Variants in LRRC28 observed in about 807,000 individuals in gnomAD.
LRRC28 encodes the protein leucine rich repeat containing 28.
A neutral mutation model predicts 45.7 loss-of-function variants in LRRC28; 39 were observed. The ratio of observed to expected loss-of-function variants is 0.85; its 90% confidence interval spans 0.66 to 1.12. LRRC28 has a LOEUF of 1.12. Among genes scored for constraint, LRRC28 ranks in the 50% most tolerant of loss-of-function variants. LRRC28 has a pLI of 0.00. For synonymous variants in LRRC28, 206 were observed against 178.8 expected (o/e 1.15, Z -1.22); for missense variants, 435 against 438.5 (o/e 0.99, Z 0.07).
Position 99,288,865 on chromosome 15 carries a change from A to G in LRRC28, c.385+914A>G, listed in dbSNP as rs969731039. Among the ~76,000 whole-genome samples, 7 of 151,850 alleles carry G rather than the reference A, an allele frequency of 4.6e-5. No individual in the cohort carries two copies. The East Asian group carries it at 1.4e-3, about 29-fold the overall frequency. ...TGGCTAATTTTTGTATTTTTTGTAG[A>G]GACAGGGTTTTGCCATGTTGGCTAG... On this transcript the variant is annotated intron_variant, in intron 5 of 9. Transcript: ENST00000301981.
intron 5 of LRRC28, among the ~76,000 whole-genome samples, chr15:99,301,833 A>C (rs1466834697): frequency 6.6e-6 from 1 of 152,170 alleles, no homozygotes; most frequent in African/African-American, 2.4e-5. Flanking sequence ...CATATGTAAA[A>C]TTATGATATA....
At chr15:99,363,436 T>C (rs1957261260) in intron 9 of LRRC28, 171 bp downstream of exon 9, 1 of 653,734 alleles carries the variant, frequency 1.5e-6, no homozygotes, top group South Asian at 2.4e-5. Context: ...ACAAGAAAAC[T>C]GGACTTGCCT....
intron 9 of LRRC28, among the ~76,000 whole-genome samples, chr15:99,380,192 A>G (rs1957774950): frequency 6.6e-6 from 1 of 152,166 alleles, no homozygotes; most frequent in Non-Finnish European, 1.5e-5. Flanking sequence ...CTAGGTCTGT[A>G]AGTACTTGCT....
intron 5 of LRRC28, among the ~76,000 whole-genome samples, chr15:99,327,440 ATCTTTTTAGAAATATG>A (rs1165664873): frequency 6.6e-6 from 1 of 152,216 alleles, no homozygotes; most frequent in Non-Finnish European, 1.5e-5. Context: ...GGTAATTTGT[ATCTTTTTAGAAATATG>A]TTTATTTAAA....
chr15:99,293,617 A>G (rs1246772623), intron 5 of LRRC28, among the ~76,000 whole-genome samples: 1 of 142,530 alleles, frequency 7.0e-6, no homozygotes, highest in African/African-American at 2.7e-5. Context: ...AAAAAAAAAA[A>G]AAAAAAAAAA....
intron 5 of LRRC28, among the ~76,000 whole-genome samples, chr15:99,314,110 A>G (rs879806347): frequency 6.6e-6 from 1 of 152,182 alleles, no homozygotes; most frequent in Admixed American, 6.5e-5. Flanking sequence ...TTAGGCTGCT[A>G]TTCTTCCAAA....
rs1033797039 is a variant in LRRC28 at position 99,337,883 on chromosome 15, G to A, written c.592+3754G>A. Reference sequence around the variant, plus strand: ...AAAAGCATACAAGCAAGAGGATGATGATGATGATGATGAAGATTATCCAGT... The same window carrying A: ...AAAAGCATACAAGCAAGAGGATGATAATGATGATGATGAAGATTATCCAGT... On this transcript the variant is annotated intron_variant, in intron 6 of 9. Transcript: ENST00000301981. 2.0e-5 allele frequency: 3 copies of A among 152,416 alleles called. No homozygotes were observed. The East Asian group carries it at 5.8e-4, about 29-fold the overall frequency. The allele number at this position is 152,416 out of a possible 1,614,324, so 9.4% of individuals were successfully genotyped here.
chr15:99,385,527 T>C (rs920451006), intron 9 of LRRC28, among the ~76,000 whole-genome samples: 2 of 152,248 alleles, frequency 1.3e-5, no homozygotes, highest in African/African-American at 4.8e-5. Context: ...ACTGTATTAT[T>C]CAGATTCTGA....
In LRRC28 at chr15:99,372,831, A is replaced by G. The variant is rs1859956761; in HGVS notation, c.1031+9566A>G. On this transcript the variant is annotated intron_variant, in intron 9 of 9. Coordinates refer to ENST00000301981, the MANE Select transcript of LRRC28 (RefSeq NM_144598.5). The stretch of plus-strand genomic sequence containing the variant: ...TTCATAAAGGAAAGAGGTTTAATTG[A>G]CTCACAGTTCCACATGGCTGAGGAG... Among the ~76,000 whole-genome samples, 5 of 152,056 alleles carry G rather than the reference A, an allele frequency of 3.3e-5. No homozygotes were observed. The South Asian group carries it at 1.0e-3, about 32-fold the overall frequency.
intron 5 of LRRC28, among the ~76,000 whole-genome samples, chr15:99,288,982 G>A (rs1274069369): frequency 2.0e-5 from 3 of 152,158 alleles, no homozygotes; most frequent in Admixed American, 2.0e-4. Context: ...GCCTGACCTA[G>A]TATGTTAACT....
At chr15:99,342,636 A>G (rs1956553779) in intron 6 of LRRC28, among the ~76,000 whole-genome samples, 1 of 152,198 alleles carries the variant, frequency 6.6e-6, no homozygotes. Flanking sequence ...TTGGACCCCA[A>G]GCATTGAGCA....
intron 5 of LRRC28, among the ~76,000 whole-genome samples, chr15:99,290,129 T>C (rs1211455040): frequency 6.6e-6 from 1 of 151,174 alleles, no homozygotes; most frequent in African/African-American, 2.4e-5. Flanking sequence ...GTGGTGGCAT[T>C]GTGCCTATAG....
chr15:99,327,067 A>T (rs1374712240), intron 5 of LRRC28, among the ~76,000 whole-genome samples: 1 of 152,006 alleles, frequency 6.6e-6, no homozygotes, highest in Non-Finnish European at 1.5e-5. Flanking sequence ...TTACGAATTC[A>T]GTTTGTTTTT....
intron 5 of LRRC28, among the ~76,000 whole-genome samples, chr15:99,293,129 G>A (rs982605298): frequency 4.6e-5 from 7 of 152,028 alleles, no homozygotes; most frequent in African/African-American, 1.7e-4. Flanking sequence ...ACTACATTTA[G>A]AATATTGTGC....
chr15:99,311,710 A>G (rs1295518379), intron 5 of LRRC28, among the ~76,000 whole-genome samples: 3 of 152,236 alleles, frequency 2.0e-5, no homozygotes, highest in Admixed American at 1.3e-4. Flanking sequence ...AGAATATGCA[A>G]CAGAATCTGT....
At chr15:99,333,880 T>C (rs1286183692) in intron 5 of LRRC28, 43 bp from the exon 6 acceptor site, 1 of 1,588,490 alleles carries the variant, frequency 6.3e-7, no homozygotes, top group East Asian at 2.2e-5. Flanking sequence ...TTTATTTCAG[T>C]TCATAAGGAT....
At chr15:99,325,124 T>A (rs562082800) in intron 5 of LRRC28, among the ~76,000 whole-genome samples, 1 of 152,364 alleles carries the variant, frequency 6.6e-6, no homozygotes, top group African/African-American at 2.4e-5. Flanking sequence ...ATTTTGCAGT[T>A]TGTAGCATAT....
At chr15:99,282,899 A>T (rs967306183) in intron 3 of LRRC28, among the ~76,000 whole-genome samples, 24 of 149,490 alleles carry the variant, frequency 1.6e-4, no homozygotes, top group Admixed American at 4.0e-4. Context: ...TTAATTAAAA[A>T]TTTTTTTTTT....
At chr15:99,338,792 A>T (rs1956410892) in intron 6 of LRRC28, among the ~76,000 whole-genome samples, 1 of 152,228 alleles carries the variant, frequency 6.6e-6, no homozygotes, top group Non-Finnish European at 1.5e-5. Flanking sequence ...ATACTGTCTA[A>T]CCCATTAACA....
Sources: allele counts gnomAD v4.1 joint callset (sites outside exome capture counted in the v4.1 genomes callset), GRCh38; gene constraint gnomAD v4.1.1; transcripts MANE v1.5; gene names NCBI Gene and HGNC (gene_info 2026-07-23, HGNC 2026-07-21).